SIPA1L1: variants seen among roughly 807,000 people sequenced by gnomAD.
SIPA1L1 encodes signal induced proliferation associated 1 like 1.
A neutral mutation model predicts 162.7 loss-of-function variants in SIPA1L1; 26 were observed. The observed-to-expected ratio is 0.16, with a 90% CI of 0.12 to 0.22. The LOEUF is 0.22. SIPA1L1 is among the 10% of genes least tolerant of loss of function. The pLI, the probability that SIPA1L1 is intolerant of heterozygous loss-of-function variation, is 1.00. For missense variants in SIPA1L1, 1,874 were observed against 2,241.0 expected, an observed-to-expected ratio of 0.84 and a Z score of 3.31; for synonymous variants, 829 against 837.4, an observed-to-expected ratio of 0.99 and a Z score of 0.17.
Position 71,685,705 on chromosome 14 carries a change from GT to G in SIPA1L1, c.3374+78del, listed in dbSNP as rs1596971925. The G allele has an allele frequency of 3.9e-6, 6 of 1,529,936 alleles. No individual in the cohort carries two copies. The East Asian group carries it at 1.4e-4, about 35-fold the overall frequency. The allele number at this position is 1,529,936 out of a possible 1,614,324, so 94.8% of individuals were successfully genotyped here. ...AAGTAACACAGACCCATAAGCACTA[GT>G]TTTAGGCCTTCTCATATTTTACTAG... On this transcript the variant is annotated intron_variant, in intron 13 of 23. Transcript: ENST00000381232.
intron 8 of SIPA1L1, among the ~76,000 whole-genome samples, chr14:71,656,552 T>A (rs1394371561): frequency 1.3e-5 from 2 of 152,232 alleles, no homozygotes; most frequent in African/African-American, 4.8e-5. Context: ...AATACACAGT[T>A]TTTTTGTTGT....
rs563793259 is a variant in SIPA1L1, at chr14:71,490,908, G to A, written c.-464-21835G>A. 6.6e-5 allele frequency among the ~76,000 whole-genome samples: 10 copies of A among 152,274 alleles called. No homozygotes were observed. The East Asian group carries it at 1.9e-3, about 29-fold the overall frequency. On this transcript the variant is annotated intron_variant, in intron 2 of 23. Transcript: ENST00000381232. ...ATACATCGTAGAGAACATTTTCAAA[G>A]GTAGGGGTTTAATAGGAATGAAGAT...
chr14:71,646,162 T>C (rs918263239), intron 7 of SIPA1L1, among the ~76,000 whole-genome samples: 10 of 151,932 alleles, frequency 6.6e-5, no homozygotes, highest in Non-Finnish European at 1.2e-4. Context: ...TTGCACTGTC[T>C]GTTTCTTTCT....
chr14:71,697,748 G>C (rs952056619), intron 13 of SIPA1L1, among the ~76,000 whole-genome samples: 2 of 152,152 alleles, frequency 1.3e-5, no homozygotes, highest in Non-Finnish European at 2.9e-5. Context: ...AAGCTTCTCA[G>C]CTTCCTATAC....
At chr14:71,417,797 A>G (rs2042914873) in intron 2 of SIPA1L1, among the ~76,000 whole-genome samples, 2 of 152,178 alleles carry the variant, frequency 1.3e-5, no homozygotes, top group South Asian at 4.1e-4. Flanking sequence ...CTAAATGCTA[A>G]CTATAATACA....
rs142307591 is a variant in SIPA1L1, at chr14:71,461,420, G to A, written c.-464-51323G>A. 6.0e-3 allele frequency among the ~76,000 whole-genome samples: 913 copies of A among 152,270 alleles called. 18 individuals are homozygous for A. Among genetic ancestry groups the A allele is most frequent in the Admixed American group, 0.051 (783 of 15,300 alleles). On this transcript the variant is annotated intron_variant, in intron 2 of 23. Transcript: ENST00000381232. ...GCCCATTGGGTGATGACGGGTGGCT[G>A]GGGAAAGAGGCTGAGTAGTATCCAC...
At chr14:71,397,548 C>T (rs769501807) in intron 2 of SIPA1L1, among the ~76,000 whole-genome samples, 6 of 152,074 alleles carry the variant, frequency 3.9e-5, no homozygotes, top group Non-Finnish European at 8.8e-5. Context: ...CATACAGGCA[C>T]ATATGGTTTT....
At chr14:71,388,828 A>G (rs1175966821) in intron 2 of SIPA1L1, among the ~76,000 whole-genome samples, 2 of 152,206 alleles carry the variant, frequency 1.3e-5, no homozygotes, top group African/African-American at 4.8e-5. Context: ...AGTGCTACCT[A>G]CATTTTAGCC....
At chr14:71,618,296 C>T (rs2039055211) in intron 5 of SIPA1L1, among the ~76,000 whole-genome samples, 1 of 152,230 alleles carries the variant, frequency 6.6e-6, no homozygotes, top group Non-Finnish European at 1.5e-5. Context: ...TCGCAGCACA[C>T]ATCTCTCTCT....
At chr14:71,475,726 A>G (rs868828461) in intron 2 of SIPA1L1, among the ~76,000 whole-genome samples, 4 of 152,246 alleles carry the variant, frequency 2.6e-5, no homozygotes, top group Non-Finnish European at 4.4e-5. Flanking sequence ...GGCCAGAGCT[A>G]TGTACATAGG....
intron 2 of SIPA1L1, among the ~76,000 whole-genome samples, chr14:71,330,157 G>A (rs925005110): frequency 3.3e-5 from 5 of 152,140 alleles, no homozygotes; most frequent in Non-Finnish European, 7.4e-5. Flanking sequence ...AATGAAGCTC[G>A]CCTAGAAAAC....
Position 71,709,576 on chromosome 14 carries a change from G to A in SIPA1L1, c.4120G>A (p.Asp1374Asn). The change falls in exon 17 of 24, where the codon GAC (aspartate) becomes AAC (asparagine). Residue 1374 changes from aspartate (D) to asparagine (N), a missense_variant. Physicochemically the swap from Asp to Asn is conservative, Grantham distance 23 (BLOSUM62 1). Around this residue, in one of 5 missense-constraint regions of SIPA1L1, gnomAD observed 936 missense variants for 1,051.9 expected, o/e 0.89. Coordinates refer to ENST00000381232, the MANE Select transcript of SIPA1L1 (RefSeq NM_001386936.1). Reference protein sequence around the residue: ...DRKTESSLSLDIHSKSQAGST... With the variant: ...DRKTESSLSLNIHSKSQAGST... Reference sequence around the variant, plus strand: ...GAAAACAGAGTCTTCCCTGAGCTTAGACATACACAGCAAGAGCCAAGCCGG... The same window carrying A: ...GAAAACAGAGTCTTCCCTGAGCTTAAACATACACAGCAAGAGCCAAGCCGG... 3 of 1,614,192 alleles carry A rather than the reference G, an allele frequency of 1.9e-6. No homozygotes were observed. The highest frequency in any genetic ancestry group is 2.5e-6 in the Non-Finnish European group (3 of 1,180,028).
intron 4 of SIPA1L1, chr14:71,573,390 T>TG (rs1213869316): frequency 1.1e-5 from 4 of 358,086 alleles, no homozygotes; most frequent in African/African-American, 6.4e-5. Context: ...TCAAATAAGA[T>TG]GCAGTTCCTG....
intron 4 of SIPA1L1, among the ~76,000 whole-genome samples, chr14:71,560,733 A>G (rs1197033246): frequency 6.6e-6 from 1 of 152,256 alleles, no homozygotes; most frequent in Non-Finnish European, 1.5e-5. Context: ...TTGGGAGAAC[A>G]GTATGGGTTA....
intron 2 of SIPA1L1, among the ~76,000 whole-genome samples, chr14:71,495,075 G>A (rs1338760603): frequency 1.3e-5 from 2 of 152,296 alleles, no homozygotes; most frequent in African/African-American, 4.8e-5. Flanking sequence ...AATTCTTGAG[G>A]AATATTGGTT....
chr14:71,525,572 C>A (rs990949127), intron 3 of SIPA1L1, among the ~76,000 whole-genome samples: 4 of 152,154 alleles, frequency 2.6e-5, no homozygotes, highest in African/African-American at 9.7e-5. Context: ...TACAATAGAA[C>A]GTAAATCCTC....
chr14:71,335,633 A>G (rs77400701), intron 2 of SIPA1L1, among the ~76,000 whole-genome samples: 3,374 of 152,272 alleles, frequency 0.022, 119 homozygotes, highest in African/African-American at 0.077. Context: ...GGTAGGAACC[A>G]TGTTTTTCAG....
At chr14:71,424,711 A>G (rs1434007495) in intron 2 of SIPA1L1, among the ~76,000 whole-genome samples, 1 of 152,028 alleles carries the variant, frequency 6.6e-6, no homozygotes. Flanking sequence ...TATTCATTAG[A>G]GATAATGGTC....
chr14:71,427,069 G>C (rs559015449), intron 2 of SIPA1L1, among the ~76,000 whole-genome samples: 8 of 152,186 alleles, frequency 5.3e-5, no homozygotes, highest in Non-Finnish European at 8.8e-5. Flanking sequence ...GTTACAGACT[G>C]TTTTTACAAT....
Sources: gnomAD v4.1 joint callset for allele counts (sites outside exome capture counted in the v4.1 genomes callset) on GRCh38, gnomAD v4.1.1 for gene constraint, gnomAD v4.1.1 regional missense constraint, MANE v1.5 for transcripts, NCBI Gene and HGNC (gene_info 2026-07-23, HGNC 2026-07-21) for gene names.